Variants in ADGRB3 observed in about 807,000 individuals in gnomAD.
ADGRB3 encodes brain-specific angiogenesis inhibitor 3.
ADGRB3 carries 37 observed loss-of-function variants against 193.4 expected under a neutral mutation model. That is an observed-to-expected ratio of 0.19 (90% CI 0.15 to 0.25). ADGRB3 has a LOEUF of 0.25. ADGRB3 is among the 10% of genes least tolerant of loss of function. The pLI, the probability that ADGRB3 is intolerant of heterozygous loss-of-function variation, is 1.00. For missense variants in ADGRB3, 1,637 were observed against 1,852.9 expected (o/e 0.88, Z 2.14); for synonymous variants, 690 against 644.2 (o/e 1.07, Z -1.08).
At chr6:68,673,868 A>G (rs1480081689) in intron 3 of ADGRB3, among the ~76,000 whole-genome samples, 1 of 152,160 alleles carries the variant, frequency 6.6e-6, no homozygotes, top group African/African-American at 2.4e-5. Flanking sequence ...CTTCAAATGC[A>G]GAGGGAATAG....
At chr6:69,232,994 CGCTGCCGCT>C (rs1766180232) in intron 17 of ADGRB3, 2 of 433,582 alleles carry the variant, frequency 4.6e-6, no homozygotes, top group Non-Finnish European at 8.2e-6. Flanking sequence ...GTGCTGCCGC[CGCTGCCGCT>C]GCTGTTCCTC....
At chr6:69,307,322 A>T (rs1768086935) in intron 20 of ADGRB3, among the ~76,000 whole-genome samples, 1 of 151,728 alleles carries the variant, frequency 6.6e-6, no homozygotes, top group South Asian at 2.1e-4. Flanking sequence ...TCAGAATCAC[A>T]TTTATGCCAC....
At chr6:68,765,078 C>G (rs554702873) in intron 3 of ADGRB3, among the ~76,000 whole-genome samples, 77 of 152,256 alleles carry the variant, frequency 5.1e-4, no homozygotes, top group African/African-American at 1.8e-3. Context: ...TCTATAGATT[C>G]TCAGGGTTCA....
intron 13 of ADGRB3, among the ~76,000 whole-genome samples, chr6:69,033,773 G>C (rs992430946): frequency 2.0e-5 from 3 of 152,032 alleles, no homozygotes; most frequent in Non-Finnish European, 2.9e-5. Flanking sequence ...TTAAGGAAAA[G>C]TTAGGTGGCT....
intron 3 of ADGRB3, among the ~76,000 whole-genome samples, chr6:68,677,707 A>T (rs1340166275): frequency 6.6e-6 from 1 of 151,670 alleles, no homozygotes; most frequent in Admixed American, 6.6e-5. Context: ...TTGGCAGAGA[A>T]GGAGTTTCAC....
chr6:69,154,251 A>C (rs1022009335), intron 17 of ADGRB3, among the ~76,000 whole-genome samples: 2 of 152,162 alleles, frequency 1.3e-5, no homozygotes, highest in African/African-American at 4.8e-5. Context: ...TGCTTTGATA[A>C]TCAATAATTG....
chr6:68,848,568 A>G (rs1768334925), intron 3 of ADGRB3, among the ~76,000 whole-genome samples: 1 of 152,072 alleles, frequency 6.6e-6, no homozygotes, highest in South Asian at 2.1e-4. Context: ...TTTTTAAAAT[A>G]TCTCTTCTTT....
chr6:69,055,823 C>CTTTGT (rs367960269), intron 15 of ADGRB3, among the ~76,000 whole-genome samples: 52 of 150,006 alleles, frequency 3.5e-4, no homozygotes, highest in Admixed American at 1.5e-3. Context: ...TTTTGTTTTG[C>CTTTGT]TTTGTTTTGT....
intron 3 of ADGRB3, among the ~76,000 whole-genome samples, chr6:68,690,774 G>A (rs1430355841): frequency 6.6e-6 from 1 of 151,992 alleles, no homozygotes; most frequent in Non-Finnish European, 1.5e-5. Context: ...CTCTAATCTG[G>A]TATATAGTAT....
chr6:69,150,656 C>T (rs1561935126), intron 17 of ADGRB3, among the ~76,000 whole-genome samples: 1 of 152,292 alleles, frequency 6.6e-6, no homozygotes, highest in East Asian at 1.9e-4. Context: ...TCACTTTTAC[C>T]TCTTCTTTCC....
At chr6:69,065,119 A>G (rs1227705104) in intron 16 of ADGRB3, among the ~76,000 whole-genome samples, 1 of 152,212 alleles carries the variant, frequency 6.6e-6, no homozygotes, top group Non-Finnish European at 1.5e-5. Flanking sequence ...TGTGTCTTTC[A>G]GTATTTTGAG....
At chr6:68,892,613 G>A (rs1281723023) in intron 3 of ADGRB3, among the ~76,000 whole-genome samples, 1 of 152,096 alleles carries the variant, frequency 6.6e-6, no homozygotes, top group Non-Finnish European at 1.5e-5. Flanking sequence ...GGGATCATGT[G>A]TGTCTTAACA....
chr6:69,186,441 C>A (rs559423483), intron 17 of ADGRB3, among the ~76,000 whole-genome samples: 8 of 152,024 alleles, frequency 5.3e-5, no homozygotes, highest in African/African-American at 1.9e-4. Flanking sequence ...AGCCTTCCCT[C>A]CCCACCCAGC....
intron 3 of ADGRB3, among the ~76,000 whole-genome samples, chr6:68,836,016 C>T (rs577899267): frequency 1.8e-4 from 27 of 152,248 alleles, no homozygotes; most frequent in South Asian, 6.2e-4. Flanking sequence ...GCTTGGCTAA[C>T]ATGCTTTGCA....
intron 3 of ADGRB3, among the ~76,000 whole-genome samples, chr6:68,832,313 G>A (rs765958635): frequency 4.6e-5 from 7 of 151,982 alleles, no homozygotes; most frequent in Non-Finnish European, 8.8e-5. Flanking sequence ...ATTTGTCTCT[G>A]TTTATTTAAA....
At chr6:69,078,973 T>C (rs990754082) in intron 17 of ADGRB3, among the ~76,000 whole-genome samples, 3 of 152,228 alleles carry the variant, frequency 2.0e-5, no homozygotes, top group African/African-American at 7.2e-5. Flanking sequence ...ATTTTCTATC[T>C]AAGAATTATT....
chr6:69,327,579 C>T (rs188985804), intron 21 of ADGRB3, among the ~76,000 whole-genome samples: 13 of 152,194 alleles, frequency 8.5e-5, no homozygotes, highest in Non-Finnish European at 1.8e-4. Flanking sequence ...CATTTAAACC[C>T]GTGTCAAATG....
chr6:69,050,138 G>A (rs1374873923), intron 15 of ADGRB3, among the ~76,000 whole-genome samples: 1 of 152,096 alleles, frequency 6.6e-6, no homozygotes, highest in East Asian at 1.9e-4. Context: ...CATTTTTGGA[G>A]AGGAAAGAAT....
intron 31 of ADGRB3, among the ~76,000 whole-genome samples, chr6:69,383,722 T>C (rs1582670347): frequency 6.6e-6 from 1 of 151,958 alleles, no homozygotes; most frequent in African/African-American, 2.4e-5. Flanking sequence ...ATATCTTCCG[T>C]CATTACAACA....
Sources: gnomAD v4.1 joint callset for allele counts (sites outside exome capture counted in the v4.1 genomes callset) on GRCh38, gnomAD v4.1.1 for gene constraint, MANE v1.5 for transcripts, NCBI Gene and HGNC (gene_info 2026-07-23, HGNC 2026-07-21) for gene names.